The following ZHX3 variants were observed in gnomAD, a reference collection of about 807,000 sequenced individuals.
ZHX3 encodes zinc fingers and homeoboxes protein 3.
Under a neutral mutation model 64.5 loss-of-function variants are expected in ZHX3, and 20 were observed. That is an observed-to-expected ratio of 0.31 (90% CI 0.22 to 0.45). ZHX3 has a LOEUF of 0.45. Ranked by LOEUF, ZHX3 falls within the 20% of genes least tolerant of loss-of-function variation. ZHX3 has a pLI of 1.00. For synonymous variants in ZHX3, 423 were observed against 461.6 expected (o/e 0.92, Z 1.07); for missense variants, 1,041 against 1,195.8 (o/e 0.87, Z 1.91).
intron 3 of ZHX3, among the ~76,000 whole-genome samples, chr20:41,196,474 T>TATATATATATATATAAATA: frequency 2.6e-5 from 1 of 37,914 alleles, no homozygotes; most frequent in Admixed American, 4.8e-4. Context: ...ATAATATATA[T>TATATATATATATATAAATA]TTATATATTA....
At chr20:41,274,493 T>C (rs1425699581) in intron 1 of ZHX3, among the ~76,000 whole-genome samples, 1 of 152,184 alleles carries the variant, frequency 6.6e-6, no homozygotes. Flanking sequence ...GTTTTACAAG[T>C]CTTTAAAAAT....
At chr20:41,208,573 A>C (rs974732639) in intron 2 of ZHX3, among the ~76,000 whole-genome samples, 9 of 152,370 alleles carry the variant, frequency 5.9e-5, no homozygotes, top group African/African-American at 1.9e-4. Context: ...TCATATAAAC[A>C]GAACCAAAGA....
chr20:41,300,583 G>C (rs2044763660), intron 1 of ZHX3, among the ~76,000 whole-genome samples: 1 of 152,126 alleles, frequency 6.6e-6, no homozygotes, highest in South Asian at 2.1e-4. Flanking sequence ...CTATCACAGA[G>C]GTAATCTACT....
chr20:41,301,986 G>A (rs938096930), intron 1 of ZHX3, among the ~76,000 whole-genome samples: 2 of 147,498 alleles, frequency 1.4e-5, no homozygotes, highest in Non-Finnish European at 3.0e-5. Context: ...CCCGGGAGGC[G>A]GAGCTTGCAG....
In ZHX3 at chr20:41,292,507, C is replaced by T. The variant is rs536302538; in HGVS notation, c.-244-23424G>A. Reference sequence around the variant, plus strand: ...AAGAGAAAAGCACCTCTCCCCTAAGCTAAAAGATTAAAAACTTGGAGAAAA... The same window carrying T: ...AAGAGAAAAGCACCTCTCCCCTAAGTTAAAAGATTAAAAACTTGGAGAAAA... On this transcript the variant is annotated intron_variant, in intron 1 of 3. Coordinates refer to ENST00000683867, the MANE Select transcript of ZHX3 (RefSeq NM_001384317.1). Among the ~76,000 whole-genome samples the T allele has an allele frequency of 1.1e-4, 17 of 152,262 alleles. 1 individual carries two copies. The South Asian group carries it at 2.5e-3, about 22-fold the overall frequency.
chr20:41,268,960 A>G (rs1052698181), intron 2 of ZHX3, 30 bp downstream of exon 2: 1 of 152,212 alleles, frequency 6.6e-6, no homozygotes, highest in African/African-American at 2.4e-5. Context: ...GAAGCATGCT[A>G]TTTACCCAAG....
chr20:41,204,259 T>A lies in ZHX3; in HGVS notation c.658A>T (p.Thr220Ser). ...PVGEALPKLS[T>S]GEMEVREGDH... Reference sequence around the variant, plus strand: ...CCCTCTCTCACCTCCATTTCTCCAGTCGACAGCTTTGGTAAGGCCTCACCC... The same window carrying A: ...CCCTCTCTCACCTCCATTTCTCCAGACGACAGCTTTGGTAAGGCCTCACCC... Residue 220 changes from threonine to serine, a missense_variant, in exon 3 of 4, where the codon ACT becomes TCT. This residue lies in a region of ZHX3 where 358 missense variants were observed against 369.1 expected (regional missense o/e 0.97). Transcript: ENST00000683867. This position sits in a 1 kb window ranked among gnomAD's most constrained non-coding sequence, Gnocchi z 6.6. 2 of 1,614,204 alleles carry A rather than the reference T, an allele frequency of 1.2e-6. No homozygotes were observed. The highest frequency in any genetic ancestry group is 1.7e-6 in the Non-Finnish European group (2 of 1,180,034).
At chr20:41,309,393 T>C (rs978053772) in intron 1 of ZHX3, among the ~76,000 whole-genome samples, 1 of 152,236 alleles carries the variant, frequency 6.6e-6, no homozygotes, top group Non-Finnish European at 1.5e-5. Flanking sequence ...GTGTTAAAAA[T>C]ACACATTCTC....
intron 1 of ZHX3, among the ~76,000 whole-genome samples, chr20:41,270,141 C>A (rs1002822464): frequency 6.6e-6 from 1 of 151,972 alleles, no homozygotes; most frequent in Non-Finnish European, 1.5e-5. Context: ...CCTGTAATCC[C>A]AGCACTTTGG....
At chr20:41,259,109 T>G (rs1000962850) in intron 2 of ZHX3, among the ~76,000 whole-genome samples, 5 of 152,212 alleles carry the variant, frequency 3.3e-5, no homozygotes, top group Admixed American at 6.5e-5. Context: ...CATATGAACC[T>G]TTTTTCCTCT....
At position 41,184,929 on chromosome 20, in the gene ZHX3, TC is replaced by T. The variant is rs2036391779; in HGVS notation, c.*261del. ...TGACTATGAACTCTGAACTATTTTA[TC>T]CATTGGAAGGTAAAGGAAAGGTCCT... On this transcript the variant is annotated 3_prime_UTR_variant, in exon 4 of 4. Coordinates refer to ENST00000683867, the MANE Select transcript of ZHX3 (RefSeq NM_001384317.1). 6.5e-7 allele frequency: 1 copy of T among 1,540,274 alleles called. No individual in the cohort carries two copies. The highest frequency in any genetic ancestry group is 1.2e-5 in the South Asian group (1 of 84,056).
intron 2 of ZHX3, among the ~76,000 whole-genome samples, chr20:41,211,309 T>C (rs548085826): frequency 6.6e-6 from 1 of 152,272 alleles, no homozygotes; most frequent in East Asian, 1.9e-4. Context: ...TTGGATTTGA[T>C]ACAAAGATGT....
chr20:41,256,493 A>G (rs1378911416), intron 2 of ZHX3, among the ~76,000 whole-genome samples: 1 of 151,922 alleles, frequency 6.6e-6, no homozygotes, highest in Admixed American at 6.6e-5. Context: ...GAAGGGGTAT[A>G]GCTTTCTAGG....
intron 2 of ZHX3, among the ~76,000 whole-genome samples, chr20:41,244,955 A>G (rs2041602593): frequency 6.6e-6 from 1 of 152,186 alleles, no homozygotes; most frequent in African/African-American, 2.4e-5. Context: ...GAAAGAAAAG[A>G]AGGGAGTAGA....
rs547345313 is a variant in ZHX3 at position 41,289,037 on chromosome 20, C to T, written c.-244-19954G>A. ...GACAGGGTCTCACTGTCACTCAGTC[C>T]GGAATGCAGTGGCGCAATCATGGCT... On this transcript the variant is annotated intron_variant, in intron 1 of 3. Coordinates refer to ENST00000683867, the MANE Select transcript of ZHX3 (RefSeq NM_001384317.1). 5.3e-5 allele frequency among the ~76,000 whole-genome samples: 8 copies of T among 152,186 alleles called. No homozygotes were observed. In the South Asian group the frequency reaches 6.2e-4, roughly 12 times the overall value.
At chr20:41,287,150 T>C (rs1365893577) in intron 1 of ZHX3, among the ~76,000 whole-genome samples, 1 of 152,200 alleles carries the variant, frequency 6.6e-6, no homozygotes, top group East Asian at 1.9e-4. Flanking sequence ...TTCATTCTGA[T>C]TTGAATAACA....
intron 3 of ZHX3, among the ~76,000 whole-genome samples, chr20:41,199,749 G>A (rs1277956463): frequency 2.0e-5 from 3 of 150,358 alleles, no homozygotes; most frequent in Admixed American, 2.0e-4. Flanking sequence ...TGCCCAGGCT[G>A]GAACGCAGTG....
At chr20:41,311,364 G>C (rs6124339) in intron 1 of ZHX3, among the ~76,000 whole-genome samples, 32,486 of 152,132 alleles carry the variant, frequency 0.21, 3,595 homozygotes, top group South Asian at 0.29. Context: ...AACAGACTTA[G>C]ACATGTAATT....
chr20:41,301,107 T>C (rs1047264237), intron 1 of ZHX3, among the ~76,000 whole-genome samples: 8 of 152,186 alleles, frequency 5.3e-5, no homozygotes, highest in Non-Finnish European at 1.0e-4. Context: ...TGGATAAGGC[T>C]ACTCGCAGGA....
Sources: gnomAD v4.1 joint callset for allele counts (sites outside exome capture counted in the v4.1 genomes callset) on GRCh38, gnomAD v4.1.1 for gene constraint, gnomAD v4.1.1 regional missense constraint, Gnocchi (gnomAD v3.1) non-coding constraint, MANE v1.5 for transcripts, NCBI Gene and HGNC (gene_info 2026-07-23, HGNC 2026-07-21) for gene names.